The following DNAJB14 variants were observed in gnomAD, a reference collection of about 807,000 sequenced individuals.
DNAJB14 encodes DnaJ heat shock protein family (Hsp40) member B14.
A neutral mutation model predicts 48.4 loss-of-function variants in DNAJB14; 22 were observed. The observed-to-expected ratio is 0.45, with a 90% confidence interval of 0.32 to 0.65. DNAJB14 has a LOEUF of 0.65. DNAJB14 is among the 30% of genes least tolerant of loss of function. DNAJB14 has a pLI of 0.03. For missense variants in DNAJB14, 319 were observed against 458.8 expected (o/e 0.70, Z 2.78); for synonymous variants, 142 against 158.7 (o/e 0.89, Z 0.79).
At chr4:99,930,420 G>T in intron 2 of DNAJB14, 30 bp downstream of exon 2, 1 of 1,543,410 alleles carries the variant, frequency 6.5e-7, no homozygotes, top group Non-Finnish European at 8.7e-7. Context: ...TACCAATTAT[G>T]ATTGAGATGT....
chr4:99,923,578 T>C lies in DNAJB14; in HGVS notation c.306-393A>G, dbSNP rs907280023. The C allele has an allele frequency of 3.3e-5, 24 of 724,416 alleles. No individual in the cohort carries two copies. The South Asian group carries it at 5.6e-4, about 17-fold the overall frequency. The allele number at this position is 724,416 out of a possible 1,614,324, so 44.9% of individuals were successfully genotyped here. A position where few individuals can be genotyped will look rare whatever the true frequency, so the allele number is the denominator to read the frequency against. On this transcript the variant is annotated intron_variant, in intron 2 of 7. Transcript: ENST00000442697. ...AAACTCCTCAAAAGTATGTCACAGC[T>C]AAGAATGAACATGCATTACATTCCA...
chr4:99,936,140 G>A (rs1300805406), intron 1 of DNAJB14, among the ~76,000 whole-genome samples: 1 of 152,156 alleles, frequency 6.6e-6, no homozygotes, highest in Non-Finnish European at 1.5e-5. Context: ...GGACCAATGG[G>A]CTTTTATGTA....
chr4:99,918,345 A>T (rs939329417), intron 3 of DNAJB14, among the ~76,000 whole-genome samples: 1 of 152,124 alleles, frequency 6.6e-6, no homozygotes, highest in Non-Finnish European at 1.5e-5. Flanking sequence ...CAGACTTTCT[A>T]TTGCTTTGCA....
rs113217052 is a variant in DNAJB14 at position 99,901,399 on chromosome 4, A to G, written c.1016-247T>C. Among the ~76,000 whole-genome samples the G allele has an allele frequency of 1.1e-3, 173 of 152,228 alleles. 1 individual carries two copies. The highest frequency in any genetic ancestry group is 4.1e-3 in the African/African-American group (171 of 41,564). ...ATAGAATCCTGTCAACTCACGTTGG[A>G]ATCCTTTCTCTCTACTCCTGTTCCC... On this transcript the variant is annotated intron_variant, in intron 7 of 7. Coordinates refer to ENST00000442697, the MANE Select transcript of DNAJB14 (RefSeq NM_001031723.4).
At chr4:99,908,621 GA>G in intron 4 of DNAJB14, 89 bp downstream of exon 4, 2 of 990,766 alleles carry the variant, frequency 2.0e-6, no homozygotes, top group Non-Finnish European at 1.4e-6. Flanking sequence ...AAATGTAGGG[GA>G]AAAGGTAGAT....
At chr4:99,906,183 A>G in intron 5 of DNAJB14, 5 of 1,332,178 alleles carry the variant, frequency 3.8e-6, no homozygotes, top group Non-Finnish European at 4.9e-6. Flanking sequence ...ACTGCATTAG[A>G]ACAAGGAAAG....
intron 4 of DNAJB14, among the ~76,000 whole-genome samples, chr4:99,907,746 T>C (rs1047023896): frequency 2.0e-5 from 3 of 152,116 alleles, no homozygotes; most frequent in African/African-American, 7.2e-5. Flanking sequence ...CCAGGTCCAA[T>C]TATACTGCTA....
chr4:99,907,558 G>A (rs763699328), intron 4 of DNAJB14, among the ~76,000 whole-genome samples: 2 of 152,030 alleles, frequency 1.3e-5, no homozygotes, highest in Non-Finnish European at 2.9e-5. Flanking sequence ...CATGTCAGTA[G>A]TACCAGCAAC....
chr4:99,907,268 CT>C (rs1364946096), intron 4 of DNAJB14, among the ~76,000 whole-genome samples: 1 of 152,052 alleles, frequency 6.6e-6, no homozygotes, highest in Non-Finnish European at 1.5e-5. Context: ...AATAATTTTT[CT>C]GTAATTATGT....
intron 1 of DNAJB14, among the ~76,000 whole-genome samples, chr4:99,944,490 G>C (rs1322378913): frequency 6.6e-6 from 1 of 152,094 alleles, no homozygotes; most frequent in Non-Finnish European, 1.5e-5. Flanking sequence ...AATGTCCATA[G>C]ACAGATGAAT....
At chr4:99,905,960 C>T in intron 5 of DNAJB14, 1 of 1,310,852 alleles carries the variant, frequency 7.6e-7, no homozygotes, top group Non-Finnish European at 9.8e-7. Flanking sequence ...ATTTCTTTCT[C>T]TTTCTCTTTC....
intron 3 of DNAJB14, among the ~76,000 whole-genome samples, chr4:99,909,308 G>A (rs1200694972): frequency 6.6e-6 from 1 of 151,932 alleles, no homozygotes; most frequent in Non-Finnish European, 1.5e-5. Flanking sequence ...TTACAAATGA[G>A]GGCCCTGAAA....
At position 99,897,851 on chromosome 4, in the gene DNAJB14, C is replaced by T. The variant is rs1450730235; in HGVS notation, c.*3177G>A. On this transcript the variant is annotated 3_prime_UTR_variant, in exon 8 of 8. Transcript: ENST00000442697. Reference sequence around the variant, plus strand: ...CACATGGGGAAGCTCAAGAAATGTACAAATTCTCTTCTTAACCATTTGGTC... The same window carrying T: ...CACATGGGGAAGCTCAAGAAATGTATAAATTCTCTTCTTAACCATTTGGTC... 1 of 151,972 alleles carries T rather than the reference C, an allele frequency of 6.6e-6. No individual in the cohort carries two copies. Among genetic ancestry groups the T allele is most frequent in the Non-Finnish European group, 1.5e-5 (1 of 67,882 alleles). The allele number at this position is 151,972 out of a possible 1,614,324, so 9.4% of individuals were successfully genotyped here. A position where few individuals can be genotyped will look rare whatever the true frequency, so the allele number is the denominator to read the frequency against.
At position 99,900,309 on chromosome 4, in the gene DNAJB14, T is replaced by A. The variant is rs187530923; in HGVS notation, c.*719A>T. Reference sequence around the variant, plus strand: ...TAATATTTATAGCCATTTCCTCATATTTTCTTTAAAATTTATCAGTATAGC... The same window carrying A: ...TAATATTTATAGCCATTTCCTCATAATTTCTTTAAAATTTATCAGTATAGC... On this transcript the variant is annotated 3_prime_UTR_variant, in exon 8 of 8. Coordinates refer to ENST00000442697, the MANE Select transcript of DNAJB14 (RefSeq NM_001031723.4). The A allele has an allele frequency of 6.6e-6, 1 of 152,140 alleles. No homozygotes were observed. Among genetic ancestry groups the A allele is most frequent in the African/African-American group, 2.4e-5 (1 of 41,562 alleles). The allele number at this position is 152,140 out of a possible 1,614,324, so 9.4% of individuals were successfully genotyped here. A position where few individuals can be genotyped will look rare whatever the true frequency, so the allele number is the denominator to read the frequency against.
chr4:99,940,565 T>TG (rs1418327378), intron 1 of DNAJB14, among the ~76,000 whole-genome samples: 1 of 152,162 alleles, frequency 6.6e-6, no homozygotes, highest in Non-Finnish European at 1.5e-5. Flanking sequence ...CACTCCAGCC[T>TG]GGGCGACAGA....
chr4:99,915,167 G>A (rs927291538), intron 3 of DNAJB14, among the ~76,000 whole-genome samples: 2 of 152,108 alleles, frequency 1.3e-5, no homozygotes, highest in Non-Finnish European at 2.9e-5. Context: ...CCTTTAGCTG[G>A]TCTTCTCAAA....
intron 3 of DNAJB14, among the ~76,000 whole-genome samples, chr4:99,916,391 G>C (rs566503905): frequency 6.6e-6 from 1 of 152,226 alleles, no homozygotes; most frequent in African/African-American, 2.4e-5. Flanking sequence ...TCCCACCTTT[G>C]CCTCCCAAAG....
intron 3 of DNAJB14, 91 bp downstream of exon 3, chr4:99,922,948 AC>A (rs1330469436): frequency 3.9e-5 from 52 of 1,345,166 alleles, no homozygotes; most frequent in Non-Finnish European, 5.1e-5. Flanking sequence ...CTCTAAATGC[AC>A]CAGTCCAAAA....
chr4:99,934,924 C>G (rs968122910), intron 1 of DNAJB14, among the ~76,000 whole-genome samples: 1 of 116,596 alleles, frequency 8.6e-6, no homozygotes, highest in Non-Finnish European at 1.7e-5. Context: ...AGAAACTAGA[C>G]TCATAAATAC....
Sources: allele counts gnomAD v4.1 joint callset (sites outside exome capture counted in the v4.1 genomes callset), GRCh38; gene constraint gnomAD v4.1.1; transcripts MANE v1.5; gene names NCBI Gene and HGNC (gene_info 2026-07-23, HGNC 2026-07-21).